C3: variants seen among roughly 807,000 people sequenced by gnomAD.
C3 encodes the protein complement C3.
Under a neutral mutation model 207.9 loss-of-function variants are expected in C3, and 97 were observed. The observed-to-expected ratio is 0.47, with a 90% confidence interval of 0.40 to 0.55. The LOEUF is 0.55. Among genes scored for constraint, C3 ranks in the 20% least tolerant of loss-of-function variants. The pLI is 0.00. For missense variants in C3, 1,684 were observed against 2,171.7 expected, an observed-to-expected ratio of 0.78 and a Z score of 4.46; for synonymous variants, 848 against 857.6, an observed-to-expected ratio of 0.99 and a Z score of 0.20.
At chr19:6,702,333 G>A in intron 18 of C3, 121 bp from the exon 19 acceptor site, 1 of 939,510 alleles carries the variant, frequency 1.1e-6, no homozygotes, top group Non-Finnish European at 1.7e-6. Flanking sequence ...CCTCCATGTA[G>A]GTCACCCAAT....
At chr19:6,697,044 A>AAAAAAAAAAAAAAT (rs1409290961) in intron 21 of C3, among the ~76,000 whole-genome samples, 5 of 83,060 alleles carry the variant, frequency 6.0e-5, no homozygotes, top group South Asian at 4.7e-4. Context: ...TCTGTCTCAA[A>AAAAAAAAAAAAAAT]AAAATAAACA....
intron 29 of C3, 131 bp downstream of exon 29, chr19:6,685,993 C>T (rs1448651624): frequency 3.3e-6 from 3 of 921,868 alleles, no homozygotes; most frequent in African/African-American, 3.3e-5. Flanking sequence ...TGATTCTCAA[C>T]TCCACTGCAA....
At position 6,697,346 on chromosome 19, in the gene C3, C is replaced by T. The variant is rs754898374; in HGVS notation, c.2794G>A (p.Val932Met). 14 of 1,613,102 alleles carry T rather than the reference C, an allele frequency of 8.7e-6. No individual in the cohort carries two copies. The South Asian group carries it at 1.4e-4, about 16-fold the overall frequency. ...SDGVRKSLKV[V>M]PEGIRMNKTV... ...TTGTGGGTGCCCCAAGCACTCACCA[C>T]GACCTTCAGGGACTTCCTGACACCG... Residue 932 changes from valine (V) to methionine (M), a missense_variant and splice_region_variant, in exon 21 of 41, where the codon GTG becomes ATG. By Grantham distance (21) the Val-to-Met change is conservative (BLOSUM62 1). Around this residue, in one of 3 missense-constraint regions of C3, gnomAD observed 1,280 missense variants for 1,739.1 expected, o/e 0.74. Transcript: ENST00000245907.
intron 17 of C3, among the ~76,000 whole-genome samples, chr19:6,703,939 T>C (rs1392387056): frequency 6.6e-6 from 1 of 151,142 alleles, no homozygotes; most frequent in Non-Finnish European, 1.5e-5. Context: ...AGAGCGAGAC[T>C]CCCTCTCAAA....
chr19:6,711,802 C>T (rs1967928291), intron 11 of C3, among the ~76,000 whole-genome samples: 1 of 152,220 alleles, frequency 6.6e-6, no homozygotes, highest in Admixed American at 6.5e-5. Context: ...GCCAGGAGAA[C>T]TGAGACCACC....
chr19:6,690,988 C>T (rs113467363), intron 26 of C3, among the ~76,000 whole-genome samples: 184 of 152,148 alleles, frequency 1.2e-3, no homozygotes, highest in African/African-American at 4.0e-3. Flanking sequence ...CAGGCTCTAG[C>T]CCTCACAGAG....
intron 7 of C3, chr19:6,713,783 C>G: frequency 6.9e-6 from 2 of 291,366 alleles, no homozygotes; most frequent in South Asian, 4.6e-5. Flanking sequence ...CACCCCCCAG[C>G]CCCCCACCTG....
At chr19:6,685,367 A>C (rs970911311) in intron 29 of C3, among the ~76,000 whole-genome samples, 1 of 152,172 alleles carries the variant, frequency 6.6e-6, no homozygotes, top group Non-Finnish European at 1.5e-5. Flanking sequence ...AGATGCTGAG[A>C]ACATGTCTAG....
At chr19:6,704,812 C>T (rs1238793541) in intron 17 of C3, among the ~76,000 whole-genome samples, 7 of 151,816 alleles carry the variant, frequency 4.6e-5, no homozygotes, top group Admixed American at 1.3e-4. Context: ...GCAGGAGAAT[C>T]GCTTGAACCC....
At chr19:6,707,624 G>A in intron 15 of C3, 87 bp from the exon 16 acceptor site, 1 of 1,539,314 alleles carries the variant, frequency 6.5e-7, no homozygotes, top group Middle Eastern at 1.7e-4. Context: ...TGAGGTGGGG[G>A]TGTTCCTGCT....
In C3 at chr19:6,718,296, C is replaced by T; in HGVS notation, c.384G>A (p.Gly128=). 1 of 1,614,230 alleles carries T rather than the reference C, an allele frequency of 6.2e-7. No homozygotes were observed. The highest frequency in any genetic ancestry group is 1.7e-5 in the Admixed American group (1 of 60,030). ...EKVVLVSLQS[G]YLFIQTDKTI... is the part of the protein sequence containing the mutation. ...TCTTGTCTGTCTGGATGAAGAGGTA[C>T]CCGCTCTGCAGGCTGACCAGCACCA... The change falls in exon 3 of 41, where the codon GGG becomes GGA. Residue 128 remains glycine, a synonymous_variant. Coordinates refer to ENST00000245907, the MANE Select transcript of C3 (RefSeq NM_000064.4).
chr19:6,680,830 A>G (rs1917840393), intron 35 of C3, among the ~76,000 whole-genome samples: 1 of 152,114 alleles, frequency 6.6e-6, no homozygotes, highest in Non-Finnish European at 1.5e-5. Context: ...ATGGGAAGAA[A>G]TAAGAGAAGG....
chr19:6,707,093 T>C lies in C3; in HGVS notation c.2228A>G (p.His743Arg). 6.3e-7 allele frequency: 1 copy of C among 1,581,492 alleles called. No homozygotes were observed. The highest frequency in any genetic ancestry group is 8.6e-7 in the Non-Finnish European group (1 of 1,161,722). The change falls in exon 17 of 41, where the codon CAC becomes CGC. Residue 743 changes from histidine (H) to arginine (R), a missense_variant. Physicochemically the swap from His to Arg is conservative, Grantham distance 29 (BLOSUM62 0). This residue lies in a region of C3 where 1,280 missense variants were observed against 1,739.1 expected (regional missense o/e 0.74). Coordinates refer to ENST00000245907, the MANE Select transcript of C3 (RefSeq NM_000064.4). The part of the protein sequence containing the change: ...ELRRQHARAS[H>R]LGLARSNLDE... ...GGACCTACTCCTGGCCAGGCCCAGG[T>C]GGCTGGCCCGCGCGTGCTGCCGCCG... is the stretch of plus-strand genomic sequence containing the variant.
intron 13 of C3, 122 bp from the exon 14 acceptor site, chr19:6,709,964 AGGGG>A: frequency 3.2e-6 from 1 of 311,236 alleles, no homozygotes; most frequent in South Asian, 2.4e-5. Flanking sequence ...GGGGCTGGGG[AGGGG>A]GAGAGAGAGG....
Position 6,707,257 on chromosome 19 carries a change from C to T in C3, c.2064G>A (p.Lys688=), listed in dbSNP as rs1385671237. The T allele has an allele frequency of 1.2e-6, 2 of 1,610,822 alleles. No individual in the cohort carries two copies. Among genetic ancestry groups the T allele is most frequent in the Non-Finnish European group, 1.7e-6 (2 of 1,178,650 alleles). ...KRMDKVGKYP[K]ELRKCCEDGM... ...CGTCCTCGCAGCACTTGCGCAGCTC[C>T]TTGGGGTACTTGCCGACTGCGGGAG... Residue 688 remains lysine (K), a synonymous_variant, in exon 17 of 41, where the codon AAG becomes AAA. Transcript: ENST00000245907.
At chr19:6,686,012 G>A (rs965939037) in intron 29 of C3, 112 bp downstream of exon 29, 1 of 1,067,502 alleles carries the variant, frequency 9.4e-7, no homozygotes, top group African/African-American at 1.6e-5. Flanking sequence ...AATCACACTG[G>A]CTCGTGGGAA....
Position 6,714,644 on chromosome 19 carries a change from C to T in C3, c.505-198G>A, listed in dbSNP as rs577092903. 5.3e-5 allele frequency among the ~76,000 whole-genome samples: 8 copies of T among 152,238 alleles called. No individual in the cohort carries two copies. The South Asian group carries it at 8.3e-4, about 16-fold the overall frequency. ...TGGGAGGCTGAGGCGGGCAGATCAC[C>T]TGAGGTCAGGAGTTCAAGACCAGCC... is the stretch of plus-strand genomic sequence containing the variant. On this transcript the variant is annotated intron_variant, in intron 4 of 40. Transcript: ENST00000245907.
intron 35 of C3, 78 bp downstream of exon 35, chr19:6,681,863 G>A: frequency 9.3e-7 from 1 of 1,077,136 alleles, no homozygotes. Flanking sequence ...GACAAAAGCT[G>A]AAAGGAAAAG....
intron 7 of C3, 90 bp from the exon 8 acceptor site, chr19:6,713,599 C>T (rs1199603188): frequency 1.0e-4 from 103 of 1,026,768 alleles, no homozygotes; most frequent in Non-Finnish European, 1.4e-4. Context: ...AAGACTGGAG[C>T]CCCCAACCCA....
Sources: allele counts gnomAD v4.1 joint callset (sites outside exome capture counted in the v4.1 genomes callset), GRCh38; gene constraint gnomAD v4.1.1; regional missense constraint gnomAD v4.1.1; transcripts MANE v1.5; gene names NCBI Gene and HGNC (gene_info 2026-07-23, HGNC 2026-07-21).